The following PKIB variants were observed in gnomAD, a reference collection of about 807,000 sequenced individuals.
The protein encoded by PKIB is cAMP-dependent protein kinase inhibitor beta.
A neutral mutation model predicts 4.5 loss-of-function variants in PKIB; 2 were observed. That is an observed-to-expected ratio of 0.44 (90% CI 0.18 to 1.39). PKIB has a LOEUF of 1.39. Among genes scored for constraint, PKIB ranks in the 40% most tolerant of loss-of-function variants. PKIB has a pLI of 0.27. For synonymous variants in PKIB, 38 were observed against 36.0 expected (o/e 1.06, Z -0.20); for missense variants, 94 against 92.6 (o/e 1.02, Z -0.06).
At chr6:122,700,992 G>A (rs1409014848) in intron 3 of PKIB, 1 of 165,478 alleles carries the variant, frequency 6.0e-6, no homozygotes, top group Non-Finnish European at 1.3e-5. Flanking sequence ...CTGGCTATGG[G>A]TTTTGCATTG....
At chr6:122,651,533 A>G (rs949039522) in intron 2 of PKIB, among the ~76,000 whole-genome samples, 7 of 152,210 alleles carry the variant, frequency 4.6e-5, no homozygotes, top group Non-Finnish European at 1.0e-4. Context: ...TCTATTGGCA[A>G]ATAAACTCAT....
intron 1 of PKIB, among the ~76,000 whole-genome samples, chr6:122,620,851 A>G (rs542853434): frequency 6.8e-4 from 104 of 152,178 alleles, no homozygotes; most frequent in Non-Finnish European, 1.4e-3. Flanking sequence ...TTTGTTTTAT[A>G]TTATTTTCCC....
intron 1 of PKIB, among the ~76,000 whole-genome samples, chr6:122,620,291 C>A (rs1775170888): frequency 6.6e-6 from 1 of 152,190 alleles, no homozygotes; most frequent in Non-Finnish European, 1.5e-5. Context: ...TTCCTATGTA[C>A]ATCCAATATC....
chr6:122,577,736 C>T (rs988841839), intron 2 of PKIB, among the ~76,000 whole-genome samples: 16 of 151,630 alleles, frequency 1.1e-4, no homozygotes, highest in African/African-American at 3.9e-4. Context: ...AGTGAAACCC[C>T]GTCTCTACTA....
At chr6:122,675,248 A>C (rs2114957190) in intron 3 of PKIB, 104 bp downstream of exon 3, 1 of 152,704 alleles carries the variant, frequency 6.5e-6, no homozygotes, top group South Asian at 2.1e-4. Context: ...TTTAGTCTGA[A>C]GTGGCATGCA....
At chr6:122,625,793 C>T (rs1025105246) in intron 1 of PKIB, among the ~76,000 whole-genome samples, 1 of 152,000 alleles carries the variant, frequency 6.6e-6, no homozygotes, top group African/African-American at 2.4e-5. Flanking sequence ...GATTGGCCAG[C>T]TTCAGTGGCT....
chr6:122,650,916 C>T (rs546579533), intron 2 of PKIB, among the ~76,000 whole-genome samples: 5 of 152,246 alleles, frequency 3.3e-5, no homozygotes, highest in South Asian at 2.1e-4. Context: ...TAATGTAGAC[C>T]GCCTTGTAGT....
At chr6:122,494,592 G>GA (rs896269793) in intron 2 of PKIB, among the ~76,000 whole-genome samples, 5 of 151,982 alleles carry the variant, frequency 3.3e-5, no homozygotes, top group South Asian at 2.1e-4. Flanking sequence ...AAAATAATGG[G>GA]AAAAAAAATT....
upstream of PKIB, among the ~76,000 whole-genome samples, chr6:122,608,912 A>G (rs902701576): frequency 6.6e-6 from 1 of 152,158 alleles, no homozygotes; most frequent in African/African-American, 2.4e-5. Context: ...TCTCTGTCAT[A>G]GTACCTCTAA....
intron 2 of PKIB, among the ~76,000 whole-genome samples, chr6:122,525,824 G>C (rs1425152906): frequency 6.6e-6 from 1 of 152,084 alleles, no homozygotes; most frequent in African/African-American, 2.4e-5. Context: ...GTTAAACTAA[G>C]ACAACAGTAA....
intron 2 of PKIB, among the ~76,000 whole-genome samples, chr6:122,657,483 G>A (rs1472913929): frequency 1.3e-5 from 2 of 152,150 alleles, no homozygotes; most frequent in African/African-American, 4.8e-5. Context: ...TGGTGTCAAT[G>A]ATAGATGTAG....
intron 2 of PKIB, among the ~76,000 whole-genome samples, chr6:122,534,843 T>C (rs900836677): frequency 7.2e-5 from 11 of 152,088 alleles, no homozygotes; most frequent in African/African-American, 2.7e-4. Flanking sequence ...ATTAAAAGTA[T>C]TGATATTATT....
intron 3 of PKIB, among the ~76,000 whole-genome samples, chr6:122,603,071 CTTT>C (rs1562266221): frequency 6.6e-6 from 1 of 151,530 alleles, no homozygotes; most frequent in South Asian, 2.1e-4. Context: ...AAAAGCTTCT[CTTT>C]TTTAAAAGAC....
At position 122,542,057 on chromosome 6, in the gene PKIB, C is replaced by T. The variant is rs566700205; in HGVS notation, c.-247-43864C>T. On this transcript the variant is annotated intron_variant, in intron 2 of 6. Transcript: ENST00000392491. ...ATCAGCTCCTTTAAGGACTTCTCTG[C>T]GTTGGTTATTCTAGTTATCCATTTG... 3.9e-4 allele frequency among the ~76,000 whole-genome samples: 59 copies of T among 152,026 alleles called. 1 individual carries two copies. The South Asian group carries it at 0.011, about 28-fold the overall frequency.
chr6:122,563,942 C>T (rs944393467), intron 2 of PKIB, among the ~76,000 whole-genome samples: 1 of 152,162 alleles, frequency 6.6e-6, no homozygotes, highest in Non-Finnish European at 1.5e-5. Context: ...ACCAGATTTG[C>T]ACACCTTCCC....
intron 2 of PKIB, among the ~76,000 whole-genome samples, chr6:122,517,607 G>A (rs1776801118): frequency 6.6e-6 from 1 of 152,098 alleles, no homozygotes; most frequent in South Asian, 2.1e-4. Context: ...AATACTCACT[G>A]GTGGCACTTA....
chr6:122,505,632 A>T (rs983770565), intron 2 of PKIB, among the ~76,000 whole-genome samples: 6 of 152,276 alleles, frequency 3.9e-5, no homozygotes, highest in African/African-American at 1.4e-4. Flanking sequence ...CAGGCAGGAG[A>T]GTTGAATGAC....
chr6:122,603,393 T>G (rs1270995160), intron 3 of PKIB, among the ~76,000 whole-genome samples: 2 of 152,242 alleles, frequency 1.3e-5, no homozygotes, highest in African/African-American at 2.4e-5. Context: ...CATCTAATCT[T>G]AGATCTAACC....
chr6:122,576,706 A>ATT (rs1773548509), intron 2 of PKIB, among the ~76,000 whole-genome samples: 1 of 115,944 alleles, frequency 8.6e-6, no homozygotes, highest in African/African-American at 3.7e-5. Flanking sequence ...ATATATATAT[A>ATT]TATATTTTCT....
Sources: gnomAD v4.1 joint callset for allele counts (sites outside exome capture counted in the v4.1 genomes callset) on GRCh38, gnomAD v4.1.1 for gene constraint, MANE v1.5 for transcripts, NCBI Gene and HGNC (gene_info 2026-07-23, HGNC 2026-07-21) for gene names.